Variants in ROR1 observed in about 807,000 individuals in gnomAD.
ROR1 encodes the protein inactive tyrosine-protein kinase transmembrane receptor ROR1.
ROR1 carries 19 observed loss-of-function variants against 78.8 expected under a neutral mutation model. The ratio of observed to expected loss-of-function variants is 0.24; its 90% CI spans 0.17 to 0.35. The LOEUF (loss-of-function observed/expected upper bound fraction) is 0.35. Ranked by LOEUF, ROR1 falls within the 10% of genes least tolerant of loss-of-function variation. The probability of loss-of-function intolerance (pLI) is 1.00; values close to 1 mark genes in which losing one functional copy is unlikely to be tolerated. For synonymous variants in ROR1, 386 were observed against 433.6 expected, an observed-to-expected ratio of 0.89 and a Z score of 1.36; for missense variants, 917 against 1,177.8, an observed-to-expected ratio of 0.78 and a Z score of 3.24.
intron 2 of ROR1, among the ~76,000 whole-genome samples, chr1:64,028,574 T>C (rs1646634355): frequency 6.6e-6 from 1 of 152,172 alleles, no homozygotes; most frequent in Non-Finnish European, 1.5e-5. Flanking sequence ...ATTTTTGTTC[T>C]TGGCATTCTA....
intron 4 of ROR1, among the ~76,000 whole-genome samples, chr1:64,064,783 A>T (rs963313144): frequency 6.6e-6 from 1 of 152,178 alleles, no homozygotes; most frequent in African/African-American, 2.4e-5. Context: ...TGGTGGACAA[A>T]CTTTGAAGGG....
intron 2 of ROR1, among the ~76,000 whole-genome samples, chr1:64,028,497 G>C (rs971922961): frequency 6.6e-6 from 1 of 152,114 alleles, no homozygotes; most frequent in Non-Finnish European, 1.5e-5. Context: ...TGCCAATATT[G>C]CATGCATATT....
chr1:63,849,328 A>G (rs1415630119), intron 1 of ROR1, among the ~76,000 whole-genome samples: 1 of 152,076 alleles, frequency 6.6e-6, no homozygotes, highest in Non-Finnish European at 1.5e-5. Context: ...TTTAGCTTGT[A>G]TTTACTTTTG....
At chr1:64,000,021 A>AT (rs1646369758) in intron 1 of ROR1, among the ~76,000 whole-genome samples, 1 of 152,126 alleles carries the variant, frequency 6.6e-6, no homozygotes, top group South Asian at 2.1e-4. Flanking sequence ...TAGGTAATAG[A>AT]TTTTTATTAT....
chr1:64,049,812 T>G lies in ROR1; in HGVS notation c.285T>G (p.Asp95Glu). The G allele has an allele frequency of 1.2e-6, 2 of 1,614,242 alleles. No individual in the cohort carries two copies. Among genetic ancestry groups the G allele is most frequent in the Non-Finnish European group, 1.7e-6 (2 of 1,180,038 alleles). The change falls in exon 3 of 9, where the codon GAT becomes GAG. Residue 95 changes from aspartate to glutamate, a missense_variant. Asp to Glu is a conservative substitution (Grantham distance 45). This residue lies in a region of ROR1 where 835 missense variants were observed against 1,069.8 expected (regional missense o/e 0.78). Transcript: ENST00000371079. ...CCACCATCCGCTGGTTCAAAAATGA[T>G]GCTCCTGTGGTCCAGGAGCCCCGGA... ...PPPTIRWFKN[D>E]APVVQEPRRL... is the part of the protein sequence containing the mutation.
intron 1 of ROR1, among the ~76,000 whole-genome samples, chr1:63,831,908 A>AT (rs1178955502): frequency 6.6e-6 from 1 of 152,206 alleles, no homozygotes; most frequent in Admixed American, 6.5e-5. Flanking sequence ...GCTTTCAGAA[A>AT]AAGCCAGGTC....
At position 64,082,966 on chromosome 1, in the gene ROR1, T is replaced by G. The variant is rs532449446; in HGVS notation, c.482+32250T>G. Among the ~76,000 whole-genome samples the G allele has an allele frequency of 2.0e-5, 3 of 152,252 alleles. No homozygotes were observed. In the South Asian group the frequency reaches 6.2e-4, roughly 32 times the overall value. On this transcript the variant is annotated intron_variant, in intron 4 of 8. Coordinates refer to ENST00000371079, the MANE Select transcript of ROR1 (RefSeq NM_005012.4). The stretch of plus-strand genomic sequence containing the variant: ...TCCAGAGGACCAGAACCAACACAAG[T>G]GATGGTTACATATCCAAAAGAAATT...
intron 4 of ROR1, among the ~76,000 whole-genome samples, chr1:64,077,304 T>A (rs1260766): frequency 0.51 from 78,170 of 152,152 alleles, 23,529 homozygotes; most frequent in African/African-American, 0.84. Flanking sequence ...TAAAACAATG[T>A]TCAACTCTGT....
At chr1:64,003,566 ACTC>A (rs1646404482) in intron 1 of ROR1, among the ~76,000 whole-genome samples, 1 of 151,986 alleles carries the variant, frequency 6.6e-6, no homozygotes, top group African/African-American at 2.4e-5. Flanking sequence ...GATGAAGAAA[ACTC>A]CAAATTTTCT....
At chr1:63,784,035 G>GTT (rs201981496) in intron 1 of ROR1, among the ~76,000 whole-genome samples, 1 of 149,284 alleles carries the variant, frequency 6.7e-6, no homozygotes, top group Non-Finnish European at 1.5e-5. Flanking sequence ...CTGCATTGCA[G>GTT]TTTTTTTTTT....
intron 4 of ROR1, among the ~76,000 whole-genome samples, chr1:64,062,889 C>A (rs546887603): frequency 6.6e-6 from 1 of 152,232 alleles, no homozygotes; most frequent in Non-Finnish European, 1.5e-5. Flanking sequence ...AATTAGCCTT[C>A]GACTTTGTAG....
At chr1:63,924,272 A>AT (rs1213497668) in intron 1 of ROR1, among the ~76,000 whole-genome samples, 12 of 152,302 alleles carry the variant, frequency 7.9e-5, no homozygotes, top group Non-Finnish European at 4.4e-5. Flanking sequence ...TCCACCCACT[A>AT]GAAGGTAACT....
At chr1:63,967,048 A>G (rs1332330030) in intron 1 of ROR1, among the ~76,000 whole-genome samples, 1 of 152,190 alleles carries the variant, frequency 6.6e-6, no homozygotes, top group African/African-American at 2.4e-5. Context: ...GGGATTTTCT[A>G]AAATTAGTTC....
chr1:63,889,241 A>G (rs855842), intron 1 of ROR1, among the ~76,000 whole-genome samples: 124,506 of 148,698 alleles, frequency 0.84, 53,108 homozygotes, highest in East Asian at 1. Flanking sequence ...CATCACTTCT[A>G]CCATATACTA....
chr1:63,872,099 G>A (rs1430755738), intron 1 of ROR1, among the ~76,000 whole-genome samples: 1 of 152,184 alleles, frequency 6.6e-6, no homozygotes, highest in Non-Finnish European at 1.5e-5. Context: ...CAAACAAACT[G>A]CATGCTTTCA....
At chr1:64,025,413 A>G (rs1211360776) in intron 2 of ROR1, among the ~76,000 whole-genome samples, 1 of 152,218 alleles carries the variant, frequency 6.6e-6, no homozygotes, top group Non-Finnish European at 1.5e-5. Context: ...TTAAAAAACT[A>G]AAAATAGAAC....
At chr1:64,163,133 C>T (rs1042242938) in intron 8 of ROR1, among the ~76,000 whole-genome samples, 1 of 151,698 alleles carries the variant, frequency 6.6e-6, no homozygotes, top group East Asian at 1.9e-4. Flanking sequence ...CCTGTAATCT[C>T]AGCATTTGAG....
At chr1:63,849,627 C>T (rs748014252) in intron 1 of ROR1, among the ~76,000 whole-genome samples, 12 of 152,054 alleles carry the variant, frequency 7.9e-5, no homozygotes, top group Non-Finnish European at 1.5e-4. Context: ...GAGCCCAGGA[C>T]GTCAAGGCTG....
intron 4 of ROR1, among the ~76,000 whole-genome samples, chr1:64,060,816 G>A (rs576225994): frequency 6.6e-6 from 1 of 152,200 alleles, no homozygotes; most frequent in Non-Finnish European, 1.5e-5. Context: ...CTAATCTAGT[G>A]GGGGAGCGAG....
Sources: allele counts gnomAD v4.1 joint callset (sites outside exome capture counted in the v4.1 genomes callset), GRCh38; gene constraint gnomAD v4.1.1; regional missense constraint gnomAD v4.1.1; transcripts MANE v1.5; gene names NCBI Gene and HGNC (gene_info 2026-07-23, HGNC 2026-07-21).